Variants in DLC1 observed in about 807,000 individuals in gnomAD.
DLC1 encodes DLC1 Rho GTPase activating protein.
A neutral mutation model predicts 140.3 loss-of-function variants in DLC1; 54 were observed. The ratio of observed to expected loss-of-function variants is 0.38; its 90% confidence interval spans 0.31 to 0.48. DLC1 has a LOEUF of 0.48. Among genes scored for constraint, DLC1 ranks in the 20% least tolerant of loss-of-function variants. DLC1 has a pLI of 0.96. For synonymous variants in DLC1, 986 were observed against 728.1 expected (o/e 1.35, Z -5.70); for missense variants, 2,536 against 1,907.0 (o/e 1.33, Z -6.14).
chr8:13,566,846 A>C, intron 1 of DLC1: 3 of 1,102,234 alleles, frequency 2.7e-6, no homozygotes, highest in Non-Finnish European at 3.7e-6. Flanking sequence ...CGTTGCCAAG[A>C]CAGCTGGGAA....
At chr8:13,570,195 A>C (rs1804596561) in intron 1 of DLC1, among the ~76,000 whole-genome samples, 1 of 151,864 alleles carries the variant, frequency 6.6e-6, no homozygotes, top group Non-Finnish European at 1.5e-5. Flanking sequence ...TTCTCATGTA[A>C]TCCCTCCCCA....
At chr8:13,117,520 G>T (rs1013836353) in intron 5 of DLC1, among the ~76,000 whole-genome samples, 1 of 152,058 alleles carries the variant, frequency 6.6e-6, no homozygotes, top group Non-Finnish European at 1.5e-5. Context: ...CTATCTGTGT[G>T]CCTGCCCCCT....
rs1377348928 is a variant in DLC1 at position 13,086,329 on chromosome 8, C to T, written c.4427G>A (p.Gly1476Glu). The T allele has an allele frequency of 1.9e-6, 3 of 1,614,234 alleles. No homozygotes were observed. Among genetic ancestry groups the T allele is most frequent in the Admixed American group, 1.7e-5 (1 of 60,028 alleles). The part of the protein sequence containing the change: ...SRYLIEPCGP[G>E]KSKLTYMCRV... ...GCACATGTAGGTGAGTTTGGATTTT[C>T]CTGGCCCACAGGGTTCAATCAAATA... The change falls in exon 17 of 18, where the codon GGA (glycine) becomes GAA (glutamate). Residue 1476 changes from glycine to glutamate, a missense_variant. Coordinates refer to ENST00000276297, the MANE Select transcript of DLC1 (RefSeq NM_182643.3).
intron 5 of DLC1, among the ~76,000 whole-genome samples, chr8:13,217,237 A>G (rs777451724): frequency 3.3e-5 from 5 of 152,228 alleles, no homozygotes; most frequent in Admixed American, 1.3e-4. Flanking sequence ...TCCAATAGAA[A>G]TATAATACAA....
chr8:13,303,065 A>G (rs1832268540), intron 5 of DLC1, among the ~76,000 whole-genome samples: 1 of 152,216 alleles, frequency 6.6e-6, no homozygotes, highest in Admixed American at 6.5e-5. Flanking sequence ...TTGTCTTGAC[A>G]GGTAAATTCA....
intron 2 of DLC1, among the ~76,000 whole-genome samples, chr8:13,472,958 C>T (rs1055070022): frequency 1.3e-5 from 2 of 151,932 alleles, no homozygotes; most frequent in African/African-American, 4.8e-5. Flanking sequence ...GAATACTAGT[C>T]ATAATAAGAG....
intron 5 of DLC1, among the ~76,000 whole-genome samples, chr8:13,134,451 A>C (rs1380903634): frequency 6.6e-6 from 1 of 152,248 alleles, no homozygotes; most frequent in Non-Finnish European, 1.5e-5. Context: ...AACAAACAAA[A>C]TAAATGAGAT....
chr8:13,155,055 T>C (rs777986383), intron 5 of DLC1, among the ~76,000 whole-genome samples: 1 of 152,150 alleles, frequency 6.6e-6, no homozygotes, highest in Non-Finnish European at 1.5e-5. Context: ...ATTCTCATTC[T>C]GTAACGTATA....
intron 1 of DLC1, among the ~76,000 whole-genome samples, chr8:13,543,581 A>G (rs1803556783): frequency 6.6e-6 from 1 of 152,194 alleles, no homozygotes; most frequent in African/African-American, 2.4e-5. Flanking sequence ...GTGGATAAAG[A>G]AAATGTGATA....
chr8:13,446,476 T>C (rs1483067015), intron 2 of DLC1, among the ~76,000 whole-genome samples: 2 of 152,074 alleles, frequency 1.3e-5, no homozygotes, highest in Non-Finnish European at 1.5e-5. Flanking sequence ...TATTTAGTCA[T>C]GACTAAGTTT....
intron 5 of DLC1, among the ~76,000 whole-genome samples, chr8:13,261,773 C>G (rs1314279325): frequency 6.6e-6 from 1 of 152,124 alleles, no homozygotes; most frequent in East Asian, 1.9e-4. Flanking sequence ...ATGAAAAAGA[C>G]AAGTTTTGTT....
chr8:13,455,682 A>T (rs748248669), intron 2 of DLC1, among the ~76,000 whole-genome samples: 6 of 152,072 alleles, frequency 3.9e-5, no homozygotes, highest in Non-Finnish European at 8.8e-5. Context: ...TTGTCATTTC[A>T]CTTAATAGTT....
chr8:13,369,159 C>G (rs557824236), intron 4 of DLC1, among the ~76,000 whole-genome samples: 1 of 152,068 alleles, frequency 6.6e-6, no homozygotes, highest in Non-Finnish European at 1.5e-5. Flanking sequence ...ATATGTCCAT[C>G]CTGCATCCTC....
intron 5 of DLC1, among the ~76,000 whole-genome samples, chr8:13,183,784 T>G (rs894229998): frequency 2.0e-5 from 3 of 152,148 alleles, no homozygotes; most frequent in African/African-American, 7.2e-5. Context: ...TCTCTTTTTT[T>G]GTTGTGTCTC....
At chr8:13,241,042 G>A (rs1186547640) in intron 5 of DLC1, among the ~76,000 whole-genome samples, 1 of 152,182 alleles carries the variant, frequency 6.6e-6, no homozygotes, top group African/African-American at 2.4e-5. Context: ...GACAGCCAGG[G>A]AGAAAAGAAG....
intron 2 of DLC1, among the ~76,000 whole-genome samples, chr8:13,410,518 G>T (rs778295773): frequency 5.9e-5 from 9 of 151,852 alleles, no homozygotes; most frequent in Non-Finnish European, 1.0e-4. Flanking sequence ...AAAGAAAAAC[G>T]CAAGACCACT....
chr8:13,399,538 G>C (rs1422335900), intron 3 of DLC1, among the ~76,000 whole-genome samples: 1 of 152,108 alleles, frequency 6.6e-6, no homozygotes, highest in Admixed American at 6.6e-5. Context: ...GTCTTGATCT[G>C]ATCCCCTATC....
chr8:13,317,271 C>A (rs1832896778), intron 4 of DLC1, among the ~76,000 whole-genome samples: 1 of 152,138 alleles, frequency 6.6e-6, no homozygotes, highest in African/African-American at 2.4e-5. Flanking sequence ...GGATAATTAA[C>A]TAGGAAGTAT....
At chr8:13,521,886 G>A (rs920491545) in intron 1 of DLC1, among the ~76,000 whole-genome samples, 1 of 152,098 alleles carries the variant, frequency 6.6e-6, no homozygotes, top group African/African-American at 2.4e-5. Flanking sequence ...TATTAACTGT[G>A]TATTACTATG....
Sources: allele counts gnomAD v4.1 joint callset (sites outside exome capture counted in the v4.1 genomes callset), GRCh38; gene constraint gnomAD v4.1.1; transcripts MANE v1.5; gene names NCBI Gene and HGNC (gene_info 2026-07-23, HGNC 2026-07-21).